CELF2: variants seen among roughly 807,000 people sequenced by gnomAD.
CELF2 encodes the protein CUGBP Elav-like family member 2.
A neutral mutation model predicts 62.6 loss-of-function variants in CELF2; 8 were observed. The ratio of observed to expected loss-of-function variants is 0.13; its 90% CI spans 0.07 to 0.23. CELF2 has a LOEUF of 0.23. Ranked by LOEUF, CELF2 falls within the 10% of genes least tolerant of loss-of-function variation. The pLI, the probability that CELF2 is intolerant of heterozygous loss-of-function variation, is 1.00. For synonymous variants in CELF2, 258 were observed against 250.0 expected (o/e 1.03, Z -0.30); for missense variants, 333 against 671.0 (o/e 0.50, Z 5.56).
intron 1 of CELF2, among the ~76,000 whole-genome samples, chr10:10,810,218 A>G (rs1036516614): frequency 9.9e-5 from 15 of 152,244 alleles, no homozygotes; most frequent in Non-Finnish European, 2.1e-4. Flanking sequence ...AAATACAATA[A>G]TACAAAATAC....
intron 2 of CELF2, among the ~76,000 whole-genome samples, chr10:10,951,450 A>C (rs545599088): frequency 7.9e-5 from 12 of 152,262 alleles, no homozygotes; most frequent in Admixed American, 3.9e-4. Flanking sequence ...CTCCAACACA[A>C]AAAAAAGATT....
At chr10:10,736,076 G>A in the CELF2 span, among the ~76,000 whole-genome samples, 1 of 152,104 alleles carries the variant, frequency 6.6e-6, no homozygotes, top group East Asian at 1.9e-4. Flanking sequence ...ATTTTATTGA[G>A]TACCCAGTCT....
upstream of CELF2, among the ~76,000 whole-genome samples, chr10:11,017,554 C>G (rs895251914): frequency 2.0e-5 from 3 of 152,214 alleles, no homozygotes; most frequent in Non-Finnish European, 4.4e-5. This position sits in a 1 kb window ranked among gnomAD's most constrained non-coding sequence, Gnocchi z 5.5. Flanking sequence ...TCGGGCTGCT[C>G]GCCTCCCGCG....
intron 2 of CELF2, among the ~76,000 whole-genome samples, chr10:10,925,846 C>A (rs992673579): frequency 4.6e-5 from 7 of 152,088 alleles, no homozygotes; most frequent in African/African-American, 7.2e-5. Flanking sequence ...CACAACCCAA[C>A]TTTCTACTCC....
In CELF2 at chr10:11,068,561, A is replaced by G. The variant is rs74230441; in HGVS notation, c.74+50398A>G. 2.6e-4 allele frequency among the ~76,000 whole-genome samples: 35 copies of G among 134,306 alleles called. No individual in the cohort carries two copies. In the East Asian group the frequency reaches 6.6e-3, roughly 25 times the overall value. The allele number at this position is 134,306 out of a possible 152,430, so 88.1% of individuals were successfully genotyped here. ...ACAAACAGAACATTATGAGAACATT[A>G]TTTCTGTTTTTTTTTTTGAGACGGA... On this transcript the variant is annotated intron_variant, in intron 1 of 12. Transcript: ENST00000633077.
chr10:10,753,678 A>T, the CELF2 span, among the ~76,000 whole-genome samples: 1 of 152,230 alleles, frequency 6.6e-6, no homozygotes, highest in Non-Finnish European at 1.5e-5. Context: ...AGAACTTATA[A>T]GATGAACAGT....
the CELF2 span, among the ~76,000 whole-genome samples, chr10:10,767,065 C>G: frequency 1.3e-5 from 2 of 152,096 alleles, no homozygotes; most frequent in African/African-American, 4.8e-5. Flanking sequence ...CCTTCATCGC[C>G]GTCTTTTGGG....
At chr10:10,910,713 A>AG (rs1369623374) in intron 1 of CELF2, among the ~76,000 whole-genome samples, 1 of 151,464 alleles carries the variant, frequency 6.6e-6, no homozygotes, top group Non-Finnish European at 1.5e-5. Flanking sequence ...AAAAAAAAAA[A>AG]AAAAAAGAAA....
chr10:10,475,089 T>C, the CELF2 span, among the ~76,000 whole-genome samples: 1 of 152,158 alleles, frequency 6.6e-6, no homozygotes, highest in East Asian at 1.9e-4. Flanking sequence ...TTGTTTTTCT[T>C]GGAAAAGATT....
At chr10:11,170,854 A>C (rs2068650774) in intron 2 of CELF2, among the ~76,000 whole-genome samples, 1 of 152,094 alleles carries the variant, frequency 6.6e-6, no homozygotes, top group South Asian at 2.1e-4. Context: ...AAATCATAGC[A>C]CTCTGAGAAA....
intron 2 of CELF2, among the ~76,000 whole-genome samples, chr10:10,942,113 A>G (rs2135475690): frequency 6.6e-6 from 1 of 150,482 alleles, no homozygotes; most frequent in Admixed American, 6.7e-5. Flanking sequence ...GGGCCTCAGG[A>G]AAAAAAAAAT....
At chr10:10,760,772 T>C in the CELF2 span, among the ~76,000 whole-genome samples, 2 of 152,150 alleles carry the variant, frequency 1.3e-5, no homozygotes, top group South Asian at 2.1e-4. Context: ...GAACAGGATT[T>C]GTAAAAGTGC....
chr10:10,935,222 C>G (rs1424191148), intron 2 of CELF2: 2 of 152,188 alleles, frequency 1.3e-5, no homozygotes, highest in Non-Finnish European at 2.9e-5. Flanking sequence ...TTCATCTGTT[C>G]TGGGTTCTTG....
chr10:11,294,995 C>A (rs531637932), intron 9 of CELF2, among the ~76,000 whole-genome samples: 1 of 73,814 alleles, frequency 1.4e-5, no homozygotes, highest in Non-Finnish European at 4.5e-5. Context: ...CTTGTTTACA[C>A]TCTTATTGCT....
At position 11,190,243 on chromosome 10, in the gene CELF2, A is replaced by G. The variant is rs576500064; in HGVS notation, c.271+24561A>G. Among the ~76,000 whole-genome samples, 4 of 152,334 alleles carry G rather than the reference A, an allele frequency of 2.6e-5. No individual in the cohort carries two copies. The East Asian group carries it at 5.8e-4, about 22-fold the overall frequency. On this transcript the variant is annotated intron_variant, in intron 2 of 12. Coordinates refer to ENST00000633077, the MANE Select transcript of CELF2 (RefSeq NM_001326342.2). Reference sequence around the variant, plus strand: ...ATTTACAGTGCGTACACAGTAGGCAATCCATACATGCCCATTCAGTACACA... The same window carrying G: ...ATTTACAGTGCGTACACAGTAGGCAGTCCATACATGCCCATTCAGTACACA...
chr10:11,005,175 A>C, upstream of CELF2: 1 of 1,432,062 alleles, frequency 7.0e-7, no homozygotes, highest in South Asian at 1.5e-5. This position sits in a 1 kb window ranked among gnomAD's most constrained non-coding sequence, Gnocchi z 4.3. Context: ...GATTATTTCT[A>C]CTTAGTGAAT....
chr10:11,048,033 T>A (rs2063177773), intron 1 of CELF2, among the ~76,000 whole-genome samples: 1 of 152,208 alleles, frequency 6.6e-6, no homozygotes, highest in Admixed American at 6.5e-5. Flanking sequence ...AATGTAAGAA[T>A]TGTTCCCTGC....
intron 1 of CELF2, among the ~76,000 whole-genome samples, chr10:10,862,512 G>A (rs996814250): frequency 6.6e-6 from 1 of 152,304 alleles, no homozygotes; most frequent in African/African-American, 2.4e-5. Flanking sequence ...GTTCACCCCA[G>A]AATAAACATT....
At chr10:11,180,926 A>T (rs568735965) in intron 2 of CELF2, among the ~76,000 whole-genome samples, 1 of 152,142 alleles carries the variant, frequency 6.6e-6, no homozygotes, top group African/African-American at 2.4e-5. Flanking sequence ...CTGGAGTGCA[A>T]TGACGCGATC....
Sources: gnomAD v4.1 joint callset for allele counts (sites outside exome capture counted in the v4.1 genomes callset) on GRCh38, gnomAD v4.1.1 for gene constraint, Gnocchi (gnomAD v3.1) non-coding constraint, MANE v1.5 for transcripts, NCBI Gene and HGNC (gene_info 2026-07-23, HGNC 2026-07-21) for gene names.